MATCAP2: variants seen among roughly 807,000 people sequenced by gnomAD.
The protein encoded by MATCAP2 is putative tyrosine carboxypeptidase MATCAP2.
chr7:36,385,654 C>T, the MATCAP2 span, among the ~76,000 whole-genome samples: 1 of 151,960 alleles, frequency 6.6e-6, no homozygotes, highest in African/African-American at 2.4e-5. Context: ...GTTGTGGTGG[C>T]ATGCACCTGT....
At chr7:36,338,123 T>C in the MATCAP2 span, among the ~76,000 whole-genome samples, 1 of 152,090 alleles carries the variant, frequency 6.6e-6, no homozygotes, top group Non-Finnish European at 1.5e-5. Context: ...AATAAAAATA[T>C]TTTACCCCAA....
At chr7:36,333,840 G>C in the MATCAP2 span, 1 of 1,580,136 alleles carries the variant, frequency 6.3e-7, no homozygotes, top group Non-Finnish European at 8.6e-7. Flanking sequence ...AAAACCTAGA[G>C]TTAAGGGACA....
chr7:36,334,199 C>T, the MATCAP2 span: 5 of 1,497,742 alleles, frequency 3.3e-6, no homozygotes, highest in Non-Finnish European at 4.5e-6. Flanking sequence ...AAAAGAAATG[C>T]CATTCTTGTT....
chr7:36,335,623 C>T, the MATCAP2 span, among the ~76,000 whole-genome samples: 21 of 152,148 alleles, frequency 1.4e-4, no homozygotes, highest in Non-Finnish European at 2.8e-4. Flanking sequence ...TCATCTAATC[C>T]CACAAGTTAT....
chr7:36,381,096 A>T, the MATCAP2 span, among the ~76,000 whole-genome samples: 47 of 152,154 alleles, frequency 3.1e-4, no homozygotes, highest in Non-Finnish European at 2.5e-4. Flanking sequence ...AAGCTATAAT[A>T]TTTTCAGTTA....
the MATCAP2 span, among the ~76,000 whole-genome samples, chr7:36,386,395 A>T: frequency 6.6e-6 from 1 of 152,102 alleles, no homozygotes; most frequent in African/African-American, 2.4e-5. Context: ...GGCATAAAAA[A>T]CACAAATCCT....
chr7:36,350,443 A>G, the MATCAP2 span, among the ~76,000 whole-genome samples: 1 of 152,224 alleles, frequency 6.6e-6, no homozygotes, highest in Middle Eastern at 3.4e-3. Context: ...TGTGAAATAG[A>G]GCTGGTGAAT....
At chr7:36,387,605 T>C in the MATCAP2 span, among the ~76,000 whole-genome samples, 1 of 152,114 alleles carries the variant, frequency 6.6e-6, no homozygotes, top group Non-Finnish European at 1.5e-5. Context: ...ACATAGTAGG[T>C]GTTTCAGTCT....
the MATCAP2 span, among the ~76,000 whole-genome samples, chr7:36,362,739 T>C: frequency 1.4e-3 from 215 of 152,336 alleles, 1 homozygote; most frequent in East Asian, 0.039. Flanking sequence ...AACATACTTC[T>C]TCACATGCTG....
At chr7:36,368,116 T>G in the MATCAP2 span, 1 of 151,390 alleles carries the variant, frequency 6.6e-6, no homozygotes, top group Admixed American at 6.6e-5. Context: ...TCAACAAACA[T>G]TTTTTGAGAC....
chr7:36,348,458 A>C, the MATCAP2 span, among the ~76,000 whole-genome samples: 1 of 152,232 alleles, frequency 6.6e-6, no homozygotes, highest in African/African-American at 2.4e-5. Context: ...TTTATAAAAC[A>C]CTGTGCTGGC....
At chr7:36,340,949 T>G in the MATCAP2 span, among the ~76,000 whole-genome samples, 1 of 152,220 alleles carries the variant, frequency 6.6e-6, no homozygotes, top group South Asian at 2.1e-4. Flanking sequence ...CAGGGAAGCT[T>G]GGAGGAATAT....
chr7:36,364,016 G>A, the MATCAP2 span, among the ~76,000 whole-genome samples: 1 of 150,314 alleles, frequency 6.7e-6, no homozygotes, highest in Non-Finnish European at 1.5e-5. Flanking sequence ...TTAGAATCAA[G>A]ATTTTAGTGG....
the MATCAP2 span, chr7:36,335,204 A>G: frequency 6.2e-7 from 1 of 1,610,294 alleles, no homozygotes; most frequent in Non-Finnish European, 8.5e-7. Context: ...AAAAGTACAC[A>G]GACATAAAAC....
chr7:36,367,405 C>CG, the MATCAP2 span: 1 of 928,406 alleles, frequency 1.1e-6, no homozygotes, highest in Non-Finnish European at 1.3e-6. Flanking sequence ...TGCCCGCGAG[C>CG]GCGCTGGGGT....
the MATCAP2 span, among the ~76,000 whole-genome samples, chr7:36,332,164 T>TC: frequency 6.6e-6 from 1 of 151,510 alleles, no homozygotes; most frequent in Non-Finnish European, 1.5e-5. Flanking sequence ...AAGGGACTAG[T>TC]CTAAAAATGA....
chr7:36,362,644 C>T, the MATCAP2 span, among the ~76,000 whole-genome samples: 2 of 152,198 alleles, frequency 1.3e-5, no homozygotes, highest in Non-Finnish European at 2.9e-5. Context: ...GCCTCTGCAG[C>T]CTCACCTCAC....
At chr7:36,331,343 C>CT in the MATCAP2 span, among the ~76,000 whole-genome samples, 104 of 152,260 alleles carry the variant, frequency 6.8e-4, no homozygotes, top group East Asian at 8.3e-3. Context: ...TCTTTCCTCA[C>CT]TATAGAGACT....
the MATCAP2 span, chr7:36,326,086 G>T: frequency 1.3e-5 from 2 of 151,900 alleles, no homozygotes; most frequent in African/African-American, 4.8e-5. Context: ...AAATTTAAAA[G>T]GGTACAATAT....
Sources: gnomAD v4.1 joint callset for allele counts (sites outside exome capture counted in the v4.1 genomes callset) on GRCh38, gnomAD v4.1.1 for gene constraint, MANE v1.5 for transcripts, NCBI Gene and HGNC (gene_info 2026-07-23, HGNC 2026-07-21) for gene names.